HDAC4: variants seen among roughly 807,000 people sequenced by gnomAD.
HDAC4 encodes the protein histone deacetylase A.
In HDAC4, 16 loss-of-function variants were observed where a neutral mutation model predicts 135.1. That is an observed-to-expected ratio of 0.12 (90% CI 0.08 to 0.18). HDAC4 has a LOEUF of 0.18. Among genes scored for constraint, HDAC4 ranks in the 10% least tolerant of loss-of-function variants. The pLI, the probability that HDAC4 is intolerant of heterozygous loss-of-function variation, is 1.00. For missense variants in HDAC4, 1,143 were observed against 1,511.8 expected, an observed-to-expected ratio of 0.76 and a Z score of 4.05; for synonymous variants, 685 against 653.4, an observed-to-expected ratio of 1.05 and a Z score of -0.74.
intron 13 of HDAC4, among the ~76,000 whole-genome samples, chr2:239,113,741 G>C (rs985431469): frequency 6.6e-6 from 1 of 152,144 alleles, no homozygotes; most frequent in Non-Finnish European, 1.5e-5. Flanking sequence ...ACCACAGGAA[G>C]AGGCCCCCAC....
chr2:239,178,271 A>C (rs2043901517), intron 4 of HDAC4, among the ~76,000 whole-genome samples: 1 of 152,152 alleles, frequency 6.6e-6, no homozygotes, highest in Admixed American at 6.5e-5. Context: ...CTCTTGTCCC[A>C]GTGTCTTGTT....
intron 2 of HDAC4, among the ~76,000 whole-genome samples, chr2:239,305,185 T>A (rs751704897): frequency 7.2e-5 from 11 of 152,188 alleles, no homozygotes; most frequent in Non-Finnish European, 1.0e-4. Flanking sequence ...GCCACACTCA[T>A]CTGAGGATTG....
intron 6 of HDAC4, among the ~76,000 whole-genome samples, chr2:239,157,968 C>A (rs1280607716): frequency 1.3e-5 from 2 of 152,206 alleles, no homozygotes; most frequent in Non-Finnish European, 2.9e-5. Context: ...GCCCCAACCC[C>A]GCCCACTGCT....
intron 2 of HDAC4, chr2:239,305,549 G>A (rs1297353023): frequency 6.5e-6 from 1 of 152,750 alleles, no homozygotes; most frequent in South Asian, 2.1e-4. Context: ...AGGGGCAAGA[G>A]GCTTTCAAAT....
intron 8 of HDAC4, among the ~76,000 whole-genome samples, chr2:239,143,756 C>T (rs1049200481): frequency 5.8e-4 from 88 of 152,212 alleles, no homozygotes; most frequent in African/African-American, 1.9e-3. Context: ...AGCCCCTCCC[C>T]GGCTTCCCTA....
At chr2:239,151,301 C>T (rs1257665526) in intron 7 of HDAC4, among the ~76,000 whole-genome samples, 5 of 152,232 alleles carry the variant, frequency 3.3e-5, no homozygotes, top group Non-Finnish European at 5.9e-5. Context: ...CCCCACCTTG[C>T]AGACCTGCGG....
chr2:239,242,185 GAGAA>G (rs1455097904), intron 2 of HDAC4, among the ~76,000 whole-genome samples: 2 of 139,088 alleles, frequency 1.4e-5, no homozygotes, highest in African/African-American at 5.2e-5. Flanking sequence ...AAGAGAGAGA[GAGAA>G]AGAGGGAGAG....
At chr2:239,199,357 G>A (rs541462511) in intron 3 of HDAC4, among the ~76,000 whole-genome samples, 76 of 152,226 alleles carry the variant, frequency 5.0e-4, no homozygotes, top group African/African-American at 1.6e-3. Flanking sequence ...TCTCTCATCA[G>A]GGTTAAAAAC....
rs2035402157 is a variant in HDAC4 at position 239,082,163 on chromosome 2, T to C, written c.2591A>G (p.Tyr864Cys). ...QAFYSDPSVLYMSLHRYDDGN... is the reference protein window; with the variant it reads ...QAFYSDPSVLCMSLHRYDDGN... ...ATCGTCGTAGCGGTGGAGGGACATG[T>C]ACAGGACGCTGGGGTCGCTGTAGAA... is the stretch of plus-strand genomic sequence containing the variant. The change falls in exon 21 of 27, where the codon TAC becomes TGC. Residue 864 changes from tyrosine to cysteine, a missense_variant. Tyr to Cys is a radical substitution (Grantham distance 194). Around this residue, in one of 9 missense-constraint regions of HDAC4, gnomAD observed 189 missense variants for 317.6 expected, o/e 0.60. Coordinates refer to ENST00000543185, the MANE Select transcript of HDAC4 (RefSeq NM_001378414.1). 6.2e-7 allele frequency: 1 copy of C among 1,614,070 alleles called. No individual in the cohort carries two copies. Among genetic ancestry groups the C allele is most frequent in the African/African-American group, 1.3e-5 (1 of 74,930 alleles).
chr2:239,124,237 C>T (rs569210775), intron 12 of HDAC4, among the ~76,000 whole-genome samples: 26 of 152,246 alleles, frequency 1.7e-4, no homozygotes, highest in African/African-American at 6.0e-4. Context: ...CAGTCATCAC[C>T]ATATCTAATT....
chr2:239,054,805 T>C lies in HDAC4; in HGVS notation c.3032A>G (p.Gln1011Arg), dbSNP rs1261150143. 2.5e-6 allele frequency: 4 copies of C among 1,613,056 alleles called. No homozygotes were observed. The South Asian group carries it at 4.4e-5, about 18-fold the overall frequency. Residue 1011 changes from glutamine (Q) to arginine (R), a missense_variant, in exon 25 of 27, where the codon CAG becomes CGG. By Grantham distance (43) the Gln-to-Arg change is conservative. Transcript: ENST00000543185. ...ELDPLPEKVL[Q>R]QRPNANAVRS... Reference sequence around the variant, plus strand: ...GACAGCGTTTGCATTGGGTCTTTGCTGTAAAACCTTTTCTGGGAGAGGATC... The same window carrying C: ...GACAGCGTTTGCATTGGGTCTTTGCCGTAAAACCTTTTCTGGGAGAGGATC...
chr2:239,290,742 G>A (rs574956496), intron 2 of HDAC4, among the ~76,000 whole-genome samples: 4 of 152,032 alleles, frequency 2.6e-5, no homozygotes, highest in Admixed American at 6.5e-5. Context: ...GCACACACGC[G>A]CACGCACTCA....
At chr2:239,192,400 G>A (rs769344530) in intron 3 of HDAC4, among the ~76,000 whole-genome samples, 2 of 152,272 alleles carry the variant, frequency 1.3e-5, no homozygotes, top group Middle Eastern at 3.4e-3. Flanking sequence ...GAAAAACTGC[G>A]TAAGCAATGC....
At chr2:239,094,215 A>G (rs2036781541) in intron 17 of HDAC4, 1 of 985,320 alleles carries the variant, frequency 1.0e-6, no homozygotes, top group Admixed American at 6.1e-5. Flanking sequence ...GCTCCGCCTC[A>G]GCTTCTCATG....
chr2:239,277,590 A>C (rs2050443933), intron 2 of HDAC4, among the ~76,000 whole-genome samples: 1 of 152,214 alleles, frequency 6.6e-6, no homozygotes, highest in Non-Finnish European at 1.5e-5. Context: ...AGCTCACCGG[A>C]CATGTGCCCA....
intron 2 of HDAC4, among the ~76,000 whole-genome samples, chr2:239,255,765 A>T (rs1269317850): frequency 6.6e-6 from 1 of 152,154 alleles, no homozygotes; most frequent in Non-Finnish European, 1.5e-5. Flanking sequence ...ACTCTGAAAC[A>T]CAAAAAGCTC....
intron 9 of HDAC4, among the ~76,000 whole-genome samples, chr2:239,136,463 C>T (rs896809995): frequency 1.3e-5 from 2 of 152,128 alleles, no homozygotes; most frequent in East Asian, 3.9e-4. Context: ...GAGGTTGATT[C>T]GACCTCTTGG....
intron 1 of HDAC4, among the ~76,000 whole-genome samples, chr2:239,371,976 G>A (rs1694654719): frequency 6.6e-6 from 1 of 152,206 alleles, no homozygotes; most frequent in South Asian, 2.1e-4. Context: ...CTGGCGGACG[G>A]GAGCAGCTGC....
At chr2:239,177,596 G>A (rs1391291668) in intron 4 of HDAC4, among the ~76,000 whole-genome samples, 1 of 152,148 alleles carries the variant, frequency 6.6e-6, no homozygotes, top group Non-Finnish European at 1.5e-5. Flanking sequence ...CTTAAGGGCT[G>A]GCATTCTACC....
Sources: allele counts gnomAD v4.1 joint callset (sites outside exome capture counted in the v4.1 genomes callset), GRCh38; gene constraint gnomAD v4.1.1; regional missense constraint gnomAD v4.1.1; transcripts MANE v1.5; gene names NCBI Gene and HGNC (gene_info 2026-07-23, HGNC 2026-07-21).